Variants in EXPH5 observed in about 807,000 individuals in gnomAD.
EXPH5 encodes exophilin 5.
Under a neutral mutation model 41.1 loss-of-function variants are expected in EXPH5, and 42 were observed. The ratio of observed to expected loss-of-function variants is 1.02; its 90% CI spans 0.80 to 1.32. The LOEUF (loss-of-function observed/expected upper bound fraction) is 1.32. Ranked by LOEUF, EXPH5 falls within the 40% of genes most tolerant of loss-of-function variation. The pLI is 0.00. For missense variants in EXPH5, 2,298 were observed against 2,314.5 expected, an observed-to-expected ratio of 0.99 and a Z score of 0.15; for synonymous variants, 798 against 833.5, an observed-to-expected ratio of 0.96 and a Z score of 0.73.
chr11:108,573,767 A>G (rs1163558560), intron 1 of EXPH5, among the ~76,000 whole-genome samples: 1 of 152,250 alleles, frequency 6.6e-6, no homozygotes, highest in Non-Finnish European at 1.5e-5. Flanking sequence ...ATATTACTCT[A>G]ATCTCTAGAT....
chr11:108,532,853 C>T (rs1376506588), intron 3 of EXPH5, among the ~76,000 whole-genome samples: 3 of 152,074 alleles, frequency 2.0e-5, no homozygotes, highest in East Asian at 1.9e-4. Flanking sequence ...TCACTTTCTC[C>T]GGGAGCCCTA....
chr11:108,573,135 AGAAG>A (rs1555198951), intron 1 of EXPH5, among the ~76,000 whole-genome samples: 8 of 130,338 alleles, frequency 6.1e-5, no homozygotes, highest in African/African-American at 2.4e-4. Context: ...AAGGAAGGAA[AGAAG>A]GAAAGAAAGA....
Position 108,593,710 on chromosome 11 carries a change from A to G in EXPH5, c.-174T>C, listed in dbSNP as rs1393446519. On this transcript the variant is annotated 5_prime_UTR_variant, in exon 1 of 6. The change abolishes an upstream ATG in the 5' untranslated region. Transcript: ENST00000265843. ...GGGAACGCCCACACCTGAAGGGCTCATATTGACAATACCTTAATGACATGT... is the reference window on the plus strand; with the variant it reads ...GGGAACGCCCACACCTGAAGGGCTCGTATTGACAATACCTTAATGACATGT... The G allele has an allele frequency of 1.9e-6, 3 of 1,540,734 alleles. No individual in the cohort carries two copies. Among genetic ancestry groups the G allele is most frequent in the African/African-American group, 2.7e-5 (2 of 73,070 alleles).
intron 1 of EXPH5, among the ~76,000 whole-genome samples, chr11:108,551,623 C>A (rs536621870): frequency 6.6e-6 from 1 of 152,014 alleles, no homozygotes; most frequent in East Asian, 1.9e-4. Context: ...TCTTGTTACA[C>A]CTCGTTCTCC....
the EXPH5 span, among the ~76,000 whole-genome samples, chr11:108,607,402 T>G: frequency 6.6e-6 from 1 of 152,134 alleles, no homozygotes; most frequent in Non-Finnish European, 1.5e-5. Context: ...TGTAAAAATA[T>G]CCTCCAAAAA....
chr11:108,527,998 A>T (rs2093811209), intron 4 of EXPH5, 138 bp downstream of exon 4: 2 of 588,156 alleles, frequency 3.4e-6, no homozygotes, highest in Non-Finnish European at 6.1e-6. Context: ...GGAAAATTTG[A>T]ACTCTTAGGG....
chr11:108,572,443 G>A (rs1482714219), intron 1 of EXPH5, among the ~76,000 whole-genome samples: 3 of 152,144 alleles, frequency 2.0e-5, no homozygotes, highest in African/African-American at 7.2e-5. Flanking sequence ...TGCAGACAAT[G>A]ATCTCCTAAG....
intron 1 of EXPH5, among the ~76,000 whole-genome samples, chr11:108,549,572 A>G (rs1042104956): frequency 9.2e-5 from 14 of 152,166 alleles, no homozygotes; most frequent in African/African-American, 3.1e-4. Context: ...TGTACTAACC[A>G]TTTAGAACGT....
At chr11:108,576,894 C>G (rs2094081582) in intron 1 of EXPH5, among the ~76,000 whole-genome samples, 1 of 152,168 alleles carries the variant, frequency 6.6e-6, no homozygotes. Flanking sequence ...TCCCCACTAC[C>G]TTTCCCAGCC....
intron 1 of EXPH5, among the ~76,000 whole-genome samples, chr11:108,542,342 T>C (rs1341080982): frequency 6.6e-6 from 1 of 152,176 alleles, no homozygotes; most frequent in African/African-American, 2.4e-5. Context: ...TTCTTTTTTT[T>C]TTTTCTTTTT....
At chr11:108,535,366 G>A (rs2093872545) in intron 3 of EXPH5, among the ~76,000 whole-genome samples, 1 of 152,098 alleles carries the variant, frequency 6.6e-6, no homozygotes, top group African/African-American at 2.4e-5. Context: ...TCTCCCTCTT[G>A]CCACCACAAT....
chr11:108,565,970 A>C (rs2094032844), intron 1 of EXPH5, among the ~76,000 whole-genome samples: 1 of 152,216 alleles, frequency 6.6e-6, no homozygotes, highest in African/African-American at 2.4e-5. Flanking sequence ...CGCCTTTTCA[A>C]GTGAGGAAAA....
chr11:108,523,018 G>A (rs868226176), intron 4 of EXPH5, among the ~76,000 whole-genome samples: 3 of 151,906 alleles, frequency 2.0e-5, no homozygotes, highest in Non-Finnish European at 4.4e-5. Flanking sequence ...AGTAACTGGG[G>A]CTATAGATGT....
chr11:108,566,190 GA>G (rs1199181094), intron 1 of EXPH5, among the ~76,000 whole-genome samples: 2 of 152,214 alleles, frequency 1.3e-5, no homozygotes, highest in Non-Finnish European at 2.9e-5. Context: ...TAAAGGCTAG[GA>G]AAGAATTCAT....
At chr11:108,532,892 A>G (rs1260179725) in intron 3 of EXPH5, among the ~76,000 whole-genome samples, 1 of 152,128 alleles carries the variant, frequency 6.6e-6, no homozygotes, top group Non-Finnish European at 1.5e-5. Flanking sequence ...GTGCTCCCGC[A>G]GCGTATGGAG....
Position 108,528,141 on chromosome 11 carries a change from C to G in EXPH5, c.487G>C (p.Ala163Pro). Residue 163 changes from alanine to proline, a missense_variant, in exon 4 of 6, where the codon GCT (alanine) becomes CCT (proline). Physicochemically the swap from Ala to Pro is conservative, Grantham distance 27. Coordinates refer to ENST00000265843, the MANE Select transcript of EXPH5 (RefSeq NM_015065.3). ...AGPPMPVRGA[A>P]VQAKIYNSPL... is the part of the protein sequence containing the mutation. The stretch of plus-strand genomic sequence containing the variant: ...GTAGTTATCTGGTTACTTACCACAG[C>G]AGCTCCCCTCACAGGCATAGGAGGT... The G allele has an allele frequency of 6.2e-7, 1 of 1,606,268 alleles. No individual in the cohort carries two copies. The highest frequency in any genetic ancestry group is 1.1e-5 in the South Asian group (1 of 90,790).
chr11:108,529,311 C>T (rs1315221775), intron 3 of EXPH5, among the ~76,000 whole-genome samples: 1 of 151,932 alleles, frequency 6.6e-6, no homozygotes, highest in African/African-American at 2.4e-5. Flanking sequence ...AGGCCTAGGC[C>T]CAGAATTGAG....
rs752867229 is a variant in EXPH5 at position 108,511,141 on chromosome 11, A to G, written c.4366T>C (p.Phe1456Leu). 5 of 1,613,670 alleles carry G rather than the reference A, an allele frequency of 3.1e-6. No individual in the cohort carries two copies. In the African/African-American group the frequency reaches 5.3e-5, roughly 17 times the overall value. ...TGGGGACACTTGCCACTTCCAGTAAATGGAATGGCTCTACCACTCCCTGTA... is the reference window on the plus strand; with the variant it reads ...TGGGGACACTTGCCACTTCCAGTAAGTGGAATGGCTCTACCACTCCCTGTA... ...ECTGSGRAIP[F>L]TGSGKCPQKD... Residue 1456 changes from phenylalanine to leucine, a missense_variant, in exon 6 of 6, where the codon TTT (phenylalanine) becomes CTT (leucine). Transcript: ENST00000265843.
chr11:108,563,766 G>C (rs1241061565), intron 1 of EXPH5, among the ~76,000 whole-genome samples: 2 of 152,220 alleles, frequency 1.3e-5, no homozygotes, highest in Admixed American at 6.5e-5. Context: ...AGAGGCAGAG[G>C]TTGATGGGGA....
Sources: allele counts gnomAD v4.1 joint callset (sites outside exome capture counted in the v4.1 genomes callset), GRCh38; gene constraint gnomAD v4.1.1; transcripts MANE v1.5; gene names NCBI Gene and HGNC (gene_info 2026-07-23, HGNC 2026-07-21).